Variants in NELL2 observed in about 807,000 individuals in gnomAD.
NELL2 encodes the protein protein kinase C-binding protein NELL2.
In NELL2, 41 loss-of-function variants were observed where a neutral mutation model predicts 109.6. The ratio of observed to expected loss-of-function variants is 0.37; its 90% CI spans 0.29 to 0.49. NELL2 has a LOEUF of 0.49. Among genes scored for constraint, NELL2 ranks in the 20% least tolerant of loss-of-function variants. The pLI, the probability that NELL2 is intolerant of heterozygous loss-of-function variation, is 0.98. For synonymous variants in NELL2, 355 were observed against 344.7 expected (o/e 1.03, Z -0.33); for missense variants, 900 against 1,008.3 (o/e 0.89, Z 1.45).
chr12:44,916,615 A>C (rs1945831006), upstream of NELL2, among the ~76,000 whole-genome samples: 2 of 152,260 alleles, frequency 1.3e-5, no homozygotes, highest in South Asian at 4.1e-4. Context: ...TGCATCCATC[A>C]TTATTAACCA....
intron 9 of NELL2, among the ~76,000 whole-genome samples, chr12:44,773,639 T>C (rs1941637375): frequency 6.6e-6 from 1 of 152,138 alleles, no homozygotes; most frequent in African/African-American, 2.4e-5. Context: ...AGAGAAGTCC[T>C]AGAAAAATGC....
intron 3 of NELL2, among the ~76,000 whole-genome samples, chr12:44,780,460 C>T (rs1941916502): frequency 6.6e-6 from 1 of 151,838 alleles, no homozygotes; most frequent in Admixed American, 6.6e-5. Flanking sequence ...CCATGCCAAA[C>T]AAAAGCTAAG....
intron 1 of NELL2, among the ~76,000 whole-genome samples, chr12:44,912,167 G>C (rs1299581876): frequency 2.6e-5 from 4 of 151,864 alleles, no homozygotes; most frequent in Non-Finnish European, 4.4e-5. Context: ...TTAGTTACTT[G>C]TGAAGAAAGA....
chr12:44,875,076 G>C, intron 2 of NELL2, 149 bp downstream of exon 2: 1 of 1,029,450 alleles, frequency 9.7e-7, no homozygotes, highest in East Asian at 2.6e-5. Context: ...AAAGAGATAG[G>C]GATATGTGTC....
chr12:44,741,496 A>G (rs1939959253), intron 9 of NELL2, among the ~76,000 whole-genome samples: 1 of 152,228 alleles, frequency 6.6e-6, no homozygotes, highest in Non-Finnish European at 1.5e-5. Context: ...GAGCCAAAGC[A>G]GGGCGAGGCA....
intron 9 of NELL2, among the ~76,000 whole-genome samples, chr12:44,715,674 C>T (rs999456381): frequency 6.6e-6 from 1 of 151,702 alleles, no homozygotes; most frequent in Non-Finnish European, 1.5e-5. Flanking sequence ...TGCTTCAGGT[C>T]CCCATAACAT....
intron 9 of NELL2, among the ~76,000 whole-genome samples, chr12:44,722,174 T>TA (rs1938810666): frequency 6.6e-6 from 1 of 151,142 alleles, no homozygotes; most frequent in Non-Finnish European, 1.5e-5. Flanking sequence ...CTGGTGAAAA[T>TA]AAGAAACTTT....
chr12:44,564,334 G>A (rs1943577843), intron 15 of NELL2, among the ~76,000 whole-genome samples: 1 of 152,172 alleles, frequency 6.6e-6, no homozygotes, highest in African/African-American at 2.4e-5. Context: ...TAAATACACA[G>A]AATAGAAATA....
intron 9 of NELL2, among the ~76,000 whole-genome samples, chr12:44,769,577 A>T (rs962844331): frequency 6.6e-6 from 1 of 152,170 alleles, no homozygotes; most frequent in African/African-American, 2.4e-5. Context: ...AGAGTCAAAC[A>T]GTTTTACCCT....
intron 15 of NELL2, among the ~76,000 whole-genome samples, chr12:44,540,781 CAAA>C (rs57205620): frequency 6.0e-5 from 3 of 49,748 alleles, no homozygotes; most frequent in Non-Finnish European, 1.0e-4. Context: ...GTCTGCAAGC[CAAA>C]AAAAAAAAAA....
At chr12:44,836,639 A>C (rs1944063354) in intron 2 of NELL2, among the ~76,000 whole-genome samples, 1 of 152,234 alleles carries the variant, frequency 6.6e-6, no homozygotes, top group South Asian at 2.1e-4. Flanking sequence ...GGAAGAGAGA[A>C]AGTCCTAAGG....
chr12:44,749,975 A>AG (rs762730057), intron 9 of NELL2, among the ~76,000 whole-genome samples: 3 of 149,966 alleles, frequency 2.0e-5, no homozygotes, highest in Non-Finnish European at 2.9e-5. Flanking sequence ...ACTAGCAGGG[A>AG]GAAAAAAAAA....
intron 12 of NELL2, among the ~76,000 whole-genome samples, chr12:44,689,251 T>C (rs988176385): frequency 6.6e-6 from 1 of 152,224 alleles, no homozygotes; most frequent in Non-Finnish European, 1.5e-5. Context: ...TATGTCCCTA[T>C]TGTCCCTTTG....
intron 15 of NELL2, among the ~76,000 whole-genome samples, chr12:44,589,384 TTTTA>T (rs35746362): frequency 0.13 from 20,065 of 149,818 alleles, 1,573 homozygotes; most frequent in African/African-American, 0.21. Flanking sequence ...GAGACACTAC[TTTTA>T]TTTATTTATT....
intron 19 of NELL2, among the ~76,000 whole-genome samples, chr12:44,515,036 A>C (rs558131509): frequency 2.6e-5 from 4 of 151,790 alleles, no homozygotes; most frequent in African/African-American, 9.6e-5. Context: ...ATAAAATAAA[A>C]ATGTTATTAA....
upstream of NELL2, chr12:44,876,604 C>A: frequency 6.5e-7 from 1 of 1,549,098 alleles, no homozygotes; most frequent in Non-Finnish European, 8.7e-7. Context: ...TCTTTGCTCT[C>A]ACCCCTCGAT....
rs576995151 is a variant in NELL2, at chr12:44,541,566, C to A, written c.1664-8845G>T. The stretch of plus-strand genomic sequence containing the variant: ...AAGCAAACAAAGCAAAGAGCACCAA[C>A]CCAAAATCTTCAGCTTCTGATTAAA... On this transcript the variant is annotated intron_variant, in intron 15 of 19. Transcript: ENST00000429094. Among the ~76,000 whole-genome samples, 6 of 152,090 alleles carry A rather than the reference C, an allele frequency of 3.9e-5. No homozygotes were observed. The South Asian group carries it at 6.2e-4, about 16-fold the overall frequency.
At chr12:44,741,857 T>C (rs568822168) in intron 9 of NELL2, among the ~76,000 whole-genome samples, 2 of 152,246 alleles carry the variant, frequency 1.3e-5, no homozygotes, top group Non-Finnish European at 2.9e-5. Context: ...GAGGCCAGTC[T>C]GCCTCTGTAG....
At chr12:44,831,409 A>G (rs1345316592) in intron 2 of NELL2, among the ~76,000 whole-genome samples, 1 of 152,168 alleles carries the variant, frequency 6.6e-6, no homozygotes. Context: ...AATATTCAGT[A>G]TATATTACAT....
Sources: gnomAD v4.1 joint callset for allele counts (sites outside exome capture counted in the v4.1 genomes callset) on GRCh38, gnomAD v4.1.1 for gene constraint, MANE v1.5 for transcripts, NCBI Gene and HGNC (gene_info 2026-07-23, HGNC 2026-07-21) for gene names.